Variants in DFFA observed in about 807,000 individuals in gnomAD.
DFFA encodes DNA fragmentation factor subunit alpha, also known as DFF45.
Under a neutral mutation model 28.0 loss-of-function variants are expected in DFFA, and 14 were observed. The observed-to-expected ratio is 0.50, with a 90% CI of 0.33 to 0.78. DFFA has a LOEUF of 0.78. Among genes scored for constraint, DFFA ranks in the 30% least tolerant of loss-of-function variants. The pLI is 0.02. For missense variants in DFFA, 395 were observed against 407.1 expected, an observed-to-expected ratio of 0.97 and a Z score of 0.26; for synonymous variants, 158 against 170.3, an observed-to-expected ratio of 0.93 and a Z score of 0.56.
chr1:10,463,599 A>C lies in DFFA; in HGVS notation c.463T>G (p.Ser155Ala). The change falls in exon 4 of 6, where the codon TCA (serine) becomes GCA (alanine). Residue 155 changes from serine to alanine, a missense_variant. Ser to Ala is a moderately conservative substitution (Grantham distance 99). Coordinates refer to ENST00000377038, the MANE Select transcript of DFFA (RefSeq NM_004401.3). ...TGACGTAGTTCCTGAGCCAGGTCTG[A>C]GCAGGGAGCGTCAACAAGCATCTAA... ...DLQMLVDAPC[S>A]DLAQELRQSC... The C allele has an allele frequency of 6.2e-7, 1 of 1,612,656 alleles. No individual in the cohort carries two copies. The highest frequency in any genetic ancestry group is 8.5e-7 in the Non-Finnish European group (1 of 1,179,680).
chr1:10,464,646 C>T (rs1640998550), intron 3 of DFFA, among the ~76,000 whole-genome samples: 1 of 152,090 alleles, frequency 6.6e-6, no homozygotes, highest in African/African-American at 2.4e-5. Flanking sequence ...GCCCAGCAGG[C>T]AGATGGTGCA....
intron 3 of DFFA, among the ~76,000 whole-genome samples, chr1:10,465,164 G>A (rs1187131930): frequency 2.6e-5 from 4 of 152,188 alleles, no homozygotes; most frequent in South Asian, 4.1e-4. Context: ...ACGTGATCTC[G>A]GCTCACCGCA....
chr1:10,461,575 T>G lies in DFFA; in HGVS notation c.911A>C (p.His304Pro), dbSNP rs765663327. ...GCTTGCTGAGATGCTCCGGAGAGAATGCAAGCTCTGCGTCTGCTGCAGGCG... is the reference window on the plus strand; with the variant it reads ...GCTTGCTGAGATGCTCCGGAGAGAAGGCAAGCTCTGCGTCTGCTGCAGGCG... ...ALRLQQTQSL[H>P]SLRSISASKA... The change falls in exon 6 of 6, where the codon CAT becomes CCT. Residue 304 changes from histidine to proline, a missense_variant. His to Pro is a moderately conservative substitution (Grantham distance 77, BLOSUM62 -2). Coordinates refer to ENST00000377038, the MANE Select transcript of DFFA (RefSeq NM_004401.3). 3.7e-6 allele frequency: 6 copies of G among 1,614,116 alleles called. No homozygotes were observed. In the Admixed American group the frequency reaches 5.0e-5, roughly 13 times the overall value.
At chr1:10,462,670 G>A in intron 5 of DFFA, 1 of 1,030,012 alleles carries the variant, frequency 9.7e-7, no homozygotes, top group Non-Finnish European at 1.2e-6. Context: ...TTAGCCAGCA[G>A]GCGACGATCC....
Position 10,472,281 on chromosome 1 carries a change from G to T in DFFA, c.136+42C>A. The T allele has an allele frequency of 6.5e-7, 1 of 1,530,834 alleles. No individual in the cohort carries two copies. The highest frequency in any genetic ancestry group is 8.8e-7 in the Non-Finnish European group (1 of 1,133,170). The allele number at this position is 1,530,834 out of a possible 1,614,324, so 94.8% of individuals were successfully genotyped here. ...CGCCCCCGCCGGACGTCCTCACCCGGCCCTGGCTCCCCCACACCCTCGCCC... is the reference window on the plus strand; with the variant it reads ...CGCCCCCGCCGGACGTCCTCACCCGTCCCTGGCTCCCCCACACCCTCGCCC... On this transcript the variant is annotated intron_variant, in intron 1 of 5. Transcript: ENST00000377038. The surrounding 1 kb of genome is among the most constrained non-coding windows in gnomAD (Gnocchi z 5.0).
intron 2 of DFFA, 125 bp from the exon 3 acceptor site, chr1:10,467,457 C>T (rs1641039245): frequency 9.6e-7 from 1 of 1,038,660 alleles, no homozygotes; most frequent in Non-Finnish European, 1.5e-6. Flanking sequence ...CATCTTATCT[C>T]AAGGATTCAC....
chr1:10,456,599 C>CT lies in DFFA; in HGVS notation c.*4890dup, dbSNP rs1413217588. On this transcript the variant is annotated 3_prime_UTR_variant, in exon 6 of 6. Coordinates refer to ENST00000377038, the MANE Select transcript of DFFA (RefSeq NM_004401.3). The stretch of plus-strand genomic sequence containing the variant: ...AATTCTTGTAATTGATGCAGGTTTT[C>CT]TTTTTTCTACAGACTACTATTATTT... 2.1e-5 allele frequency: 3 copies of CT among 140,448 alleles called. No individual in the cohort carries two copies. The highest frequency in any genetic ancestry group is 3.1e-5 in the Non-Finnish European group (2 of 65,140). 8.7% of individuals were successfully genotyped at this position (140,448 alleles called of 1,614,324 possible). A position where few individuals can be genotyped will look rare whatever the true frequency, so the allele number is the denominator to read the frequency against.
chr1:10,467,163 T>C (rs774603856), intron 3 of DFFA, 27 bp downstream of exon 3: 2 of 1,613,448 alleles, frequency 1.2e-6, no homozygotes, highest in Non-Finnish European at 8.5e-7. Context: ...GGATGAACAT[T>C]GTTGCAGGTT....
rs145486605 is a variant in DFFA at position 10,461,513 on chromosome 1, G to C, written c.973C>G (p.Arg325Gly). The C allele has an allele frequency of 1.2e-6, 2 of 1,614,052 alleles. No individual in the cohort carries two copies. ...SPPGDLQNPK[R>G]ARQDPT Reference sequence around the variant, plus strand: ...TGCTATGTGGGATCCTGTCTGGCTCGCTTAGGATTCTGCAGGTCACCAGGT... The same window carrying C: ...TGCTATGTGGGATCCTGTCTGGCTCCCTTAGGATTCTGCAGGTCACCAGGT... The change falls in exon 6 of 6, where the codon CGA becomes GGA. Residue 325 changes from arginine (R) to glycine (G), a missense_variant. By Grantham distance (125) the Arg-to-Gly change is moderately radical. Coordinates refer to ENST00000377038, the MANE Select transcript of DFFA (RefSeq NM_004401.3).
intron 1 of DFFA, among the ~76,000 whole-genome samples, chr1:10,470,661 G>A (rs1238872043): frequency 6.7e-6 from 1 of 149,408 alleles, no homozygotes. Flanking sequence ...TCCTGACCTC[G>A]TGATCCGCCC....
At chr1:10,462,135 G>A (rs1390556336) in intron 5 of DFFA, among the ~76,000 whole-genome samples, 1 of 151,710 alleles carries the variant, frequency 6.6e-6, no homozygotes, top group Admixed American at 6.6e-5. Flanking sequence ...TGGGATTACA[G>A]GCGTGAGCCA....
At chr1:10,461,942 C>T in intron 5 of DFFA, 1 of 820,430 alleles carries the variant, frequency 1.2e-6, no homozygotes, top group Non-Finnish European at 1.5e-6. Context: ...GCAAGCTCCG[C>T]CTCCCGGATT....
intron 3 of DFFA, among the ~76,000 whole-genome samples, chr1:10,464,725 A>C (rs966915662): frequency 6.6e-6 from 1 of 152,078 alleles, no homozygotes; most frequent in African/African-American, 2.4e-5. Context: ...AAACCAAACC[A>C]AACCAAAACA....
At chr1:10,465,582 G>A (rs946310149) in intron 3 of DFFA, among the ~76,000 whole-genome samples, 3 of 151,880 alleles carry the variant, frequency 2.0e-5, no homozygotes, top group Admixed American at 1.3e-4. Flanking sequence ...TAGTAAAGAC[G>A]GGGTTTCACC....
chr1:10,467,256 C>T lies in DFFA; in HGVS notation c.375G>A (p.Lys125=), dbSNP rs757811839. Residue 125 remains lysine, a synonymous_variant, in exon 3 of 6, where the codon AAG becomes AAA. Coordinates refer to ENST00000377038, the MANE Select transcript of DFFA (RefSeq NM_004401.3). ...ETDSGAGLKW[K]NVARQLKEDL... ...CTTCTTTCAGCTGCCTGGCCACATTCTTCCACTTCAACCCTGCCCCGCTGT... is the reference window on the plus strand; with the variant it reads ...CTTCTTTCAGCTGCCTGGCCACATTTTTCCACTTCAACCCTGCCCCGCTGT... 1.9e-5 allele frequency: 30 copies of T among 1,613,988 alleles called. No homozygotes were observed. The East Asian group carries it at 5.3e-4, about 29-fold the overall frequency.
rs186083478 is a variant in DFFA, at chr1:10,461,100, C to T, written c.*390G>A. The T allele has an allele frequency of 2.6e-3, 408 of 158,708 alleles. No individual in the cohort carries two copies. Among genetic ancestry groups the T allele is most frequent in the African/African-American group, 9.2e-3 (376 of 40,816 alleles). The allele number at this position is 158,708 out of a possible 1,614,324, so 9.8% of individuals were successfully genotyped here. On this transcript the variant is annotated 3_prime_UTR_variant, in exon 6 of 6. Coordinates refer to ENST00000377038, the MANE Select transcript of DFFA (RefSeq NM_004401.3). ...ATTTTTTTTGTATTTTTAGTAGAGACAGGGTTTCACCATGTTAGCCAGGAT... is the reference window on the plus strand; with the variant it reads ...ATTTTTTTTGTATTTTTAGTAGAGATAGGGTTTCACCATGTTAGCCAGGAT...
Position 10,472,257 on chromosome 1 carries a change from G to A in DFFA, c.136+66C>T. 2.1e-6 allele frequency: 3 copies of A among 1,456,146 alleles called. No homozygotes were observed. The highest frequency in any genetic ancestry group is 2.7e-6 in the Non-Finnish European group (3 of 1,093,864). 90.2% of individuals were successfully genotyped at this position (1,456,146 alleles called of 1,614,324 possible). ...AAGTCGCCTCTCCTGACCCCGCCTC[G>A]CCCCCGCCGGACGTCCTCACCCGGC... is the stretch of plus-strand genomic sequence containing the variant. On this transcript the variant is annotated intron_variant, in intron 1 of 5. Coordinates refer to ENST00000377038, the MANE Select transcript of DFFA (RefSeq NM_004401.3). This position sits in a 1 kb window ranked among gnomAD's most constrained non-coding sequence, Gnocchi z 5.0.
chr1:10,460,629 A>G lies in DFFA; in HGVS notation c.*861T>C, dbSNP rs1640915838. The G allele has an allele frequency of 2.0e-5, 3 of 148,668 alleles. No homozygotes were observed. The South Asian group carries it at 6.4e-4, about 32-fold the overall frequency. The allele number at this position is 148,668 out of a possible 1,614,324, so 9.2% of individuals were successfully genotyped here. A position where few individuals can be genotyped will look rare whatever the true frequency, so the allele number is the denominator to read the frequency against. On this transcript the variant is annotated 3_prime_UTR_variant, in exon 6 of 6. Transcript: ENST00000377038. ...ACTGCAACTTCTGCCTCCCCGGTTC[A>G]AGCAATTCTCCTGCCTCAGCCTCCC...
Position 10,457,339 on chromosome 1 carries a change from G to A in DFFA, c.*4151C>T, listed in dbSNP as rs1399545026. On this transcript the variant is annotated 3_prime_UTR_variant, in exon 6 of 6. Transcript: ENST00000377038. ...TTTTTTACATTTTTGTAGAGATGGGGTCTTGCTATGTTCCCCAGGTCGGTC... is the reference window on the plus strand; with the variant it reads ...TTTTTTACATTTTTGTAGAGATGGGATCTTGCTATGTTCCCCAGGTCGGTC... 1 of 152,180 alleles carries A rather than the reference G, an allele frequency of 6.6e-6. No homozygotes were observed. Among genetic ancestry groups the A allele is most frequent in the Non-Finnish European group, 1.5e-5 (1 of 68,168 alleles). 9.4% of individuals were successfully genotyped at this position (152,180 alleles called of 1,614,324 possible).
Sources: gnomAD v4.1 joint callset for allele counts (sites outside exome capture counted in the v4.1 genomes callset) on GRCh38, gnomAD v4.1.1 for gene constraint, Gnocchi (gnomAD v3.1) non-coding constraint, MANE v1.5 for transcripts, NCBI Gene and HGNC (gene_info 2026-07-23, HGNC 2026-07-21) for gene names.